COQ5: variants seen among roughly 807,000 people sequenced by gnomAD.
COQ5 encodes the protein 2-methoxy-6-polyprenyl-1,4-benzoquinol methylase, mitochondrial.
COQ5 carries 27 observed loss-of-function variants against 40.5 expected under a neutral mutation model. The observed-to-expected ratio is 0.67, with a 90% CI of 0.49 to 0.92. The LOEUF is 0.92. COQ5 is among the 40% of genes least tolerant of loss of function. The pLI, the probability that COQ5 is intolerant of heterozygous loss-of-function variation, is 0.00. For synonymous variants in COQ5, 141 were observed against 150.0 expected (o/e 0.94, Z 0.44); for missense variants, 409 against 406.4 (o/e 1.01, Z -0.06).
chr12:120,513,225 C>T lies in COQ5; in HGVS notation c.575-3102G>A, dbSNP rs369428933. Among the ~76,000 whole-genome samples the T allele has an allele frequency of 5.5e-4, 83 of 149,664 alleles. 3 individuals carry two copies. The South Asian group carries it at 0.017, about 31-fold the overall frequency. The stretch of plus-strand genomic sequence containing the variant: ...ATTAAAAAAAAAAGTAGTTAAGGGC[C>T]AGGTGCAGTGGCTCACACCTGTAAT... On this transcript the variant is annotated intron_variant, in intron 3 of 6. Coordinates refer to ENST00000288532, the MANE Select transcript of COQ5 (RefSeq NM_032314.4).
intron 2 of COQ5, among the ~76,000 whole-genome samples, chr12:120,517,837 T>C (rs1432078722): frequency 6.6e-6 from 1 of 151,634 alleles, no homozygotes; most frequent in Admixed American, 6.6e-5. Context: ...ATGGAGTTTC[T>C]GCTCTTGTTG....
chr12:120,508,331 G>A (rs1868974221), intron 4 of COQ5, among the ~76,000 whole-genome samples: 1 of 151,930 alleles, frequency 6.6e-6, no homozygotes, highest in Non-Finnish European at 1.5e-5. Flanking sequence ...TGGCTGCAGT[G>A]AGCTGAGATC....
intron 3 of COQ5, among the ~76,000 whole-genome samples, chr12:120,515,770 C>A (rs1385675001): frequency 6.6e-6 from 1 of 152,134 alleles, no homozygotes; most frequent in Non-Finnish European, 1.5e-5. Flanking sequence ...TATCCAGGCC[C>A]TAGTAGTCCC....
At chr12:120,519,255 C>T (rs562103994) in intron 2 of COQ5, among the ~76,000 whole-genome samples, 9 of 152,088 alleles carry the variant, frequency 5.9e-5, no homozygotes, top group East Asian at 1.9e-4. Flanking sequence ...TTTCTTTAGG[C>T]GACATAGAAT....
intron 3 of COQ5, among the ~76,000 whole-genome samples, 163 bp downstream of exon 3, chr12:120,516,384 GCTATGCATACATAATGCATA>G (rs1427738654): frequency 2.9e-4 from 44 of 152,132 alleles, no homozygotes; most frequent in Non-Finnish European, 1.5e-5. Context: ...TCAATGGGCT[GCTATGCATACATAATGCATA>G]TAACAGCACA....
chr12:120,504,722 T>C, intron 5 of COQ5, 173 bp downstream of exon 5: 1 of 663,626 alleles, frequency 1.5e-6, no homozygotes. Flanking sequence ...GTAAGCCAAC[T>C]TGGGTCTGGT....
chr12:120,513,469 T>C (rs1206511043), intron 3 of COQ5, among the ~76,000 whole-genome samples: 2 of 142,318 alleles, frequency 1.4e-5, no homozygotes, highest in South Asian at 4.5e-4. Flanking sequence ...GCCACTGCAC[T>C]CCAGCCTGGG....
chr12:120,522,744 C>A, intron 1 of COQ5: 3 of 657,034 alleles, frequency 4.6e-6, no homozygotes, highest in Non-Finnish European at 8.1e-6. Flanking sequence ...TGATCTTTGG[C>A]CTTGGCCTTT....
At chr12:120,520,871 C>G (rs1397667975) in intron 2 of COQ5, among the ~76,000 whole-genome samples, 1 of 151,636 alleles carries the variant, frequency 6.6e-6, no homozygotes, top group Non-Finnish European at 1.5e-5. Context: ...TGTGCACAAA[C>G]TTTTGATATT....
rs1390669256 is a variant in COQ5 at position 120,503,702 on chromosome 12, G to A, written c.*82C>T. Reference sequence around the variant, plus strand: ...TATCCTTAAGAGGAGATGCTCTGCTGCTGTCTCATTTGCCAGATTATCCTT... The same window carrying A: ...TATCCTTAAGAGGAGATGCTCTGCTACTGTCTCATTTGCCAGATTATCCTT... On this transcript the variant is annotated 3_prime_UTR_variant, in exon 7 of 7. Transcript: ENST00000288532. 1 of 969,306 alleles carries A rather than the reference G, an allele frequency of 1.0e-6. No homozygotes were observed. The highest frequency in any genetic ancestry group is 1.3e-5 in the South Asian group (1 of 75,584). 60.0% of individuals were successfully genotyped at this position (969,306 alleles called of 1,614,324 possible).
At chr12:120,523,826 A>G (rs1869790620) in intron 1 of COQ5, 2 of 296,572 alleles carry the variant, frequency 6.7e-6, no homozygotes, top group South Asian at 2.5e-5. Context: ...CCTGGCCAAC[A>G]TGGCAAAACC....
intron 1 of COQ5, chr12:120,522,612 A>AGG: frequency 1.5e-6 from 1 of 650,594 alleles, no homozygotes; most frequent in South Asian, 1.8e-5. Context: ...ATGGCAGTCC[A>AGG]GGGGGGTCAC....
At chr12:120,528,831 C>A in intron 1 of COQ5, 109 bp downstream of exon 1, 1 of 1,048,930 alleles carries the variant, frequency 9.5e-7, no homozygotes, top group Non-Finnish European at 1.5e-6. Flanking sequence ...CATAACTGCA[C>A]AGACAACAAC....
intron 3 of COQ5, among the ~76,000 whole-genome samples, chr12:120,510,565 C>T (rs895339011): frequency 2.6e-5 from 4 of 152,146 alleles, no homozygotes; most frequent in Non-Finnish European, 4.4e-5. Context: ...CCTCCCGCCT[C>T]GGCCTCCCAA....
At chr12:120,507,235 TTAA>T (rs1188524815) in intron 4 of COQ5, among the ~76,000 whole-genome samples, 2 of 152,090 alleles carry the variant, frequency 1.3e-5, no homozygotes, top group Non-Finnish European at 2.9e-5. Flanking sequence ...TCTTTAACGA[TTAA>T]TAAGAGACTA....
intron 4 of COQ5, among the ~76,000 whole-genome samples, chr12:120,508,885 C>T (rs191649564): frequency 1.6e-4 from 24 of 152,116 alleles, no homozygotes; most frequent in Admixed American, 1.1e-3. Context: ...ATTAGCTGGG[C>T]GTGGTGGCAC....
intron 3 of COQ5, among the ~76,000 whole-genome samples, chr12:120,513,823 C>T (rs2137083747): frequency 6.6e-6 from 1 of 152,154 alleles, no homozygotes; most frequent in African/African-American, 2.4e-5. Context: ...CCCGACCACA[C>T]ATTAACTTTT....
chr12:120,523,979 C>A, intron 1 of COQ5: 1 of 365,462 alleles, frequency 2.7e-6, no homozygotes, highest in Non-Finnish European at 5.5e-6. Flanking sequence ...CACTGCATTC[C>A]AGCCTGGGCG....
chr12:120,523,037 A>C, intron 1 of COQ5: 3 of 478,864 alleles, frequency 6.3e-6, no homozygotes, highest in Non-Finnish European at 1.1e-5. Flanking sequence ...ATTCTTATAA[A>C]AAAAAAAGAG....
Sources: allele counts gnomAD v4.1 joint callset (sites outside exome capture counted in the v4.1 genomes callset), GRCh38; gene constraint gnomAD v4.1.1; transcripts MANE v1.5; gene names NCBI Gene and HGNC (gene_info 2026-07-23, HGNC 2026-07-21).